Variants in APCDD1 observed in about 807,000 individuals in gnomAD.
The protein encoded by APCDD1 is APC down-regulated 1.
APCDD1 carries 15 observed loss-of-function variants against 38.1 expected under a neutral mutation model. The ratio of observed to expected loss-of-function variants is 0.39; its 90% confidence interval spans 0.26 to 0.61. APCDD1 has a LOEUF of 0.61. Ranked by LOEUF, APCDD1 falls within the 20% of genes least tolerant of loss-of-function variation. The pLI, the probability that APCDD1 is intolerant of heterozygous loss-of-function variation, is 0.49. For synonymous variants in APCDD1, 261 were observed against 279.7 expected (o/e 0.93, Z 0.67); for missense variants, 647 against 696.2 (o/e 0.93, Z 0.79).
intron 1 of APCDD1, among the ~76,000 whole-genome samples, chr18:10,465,774 T>A (rs1315960729): frequency 1.3e-5 from 2 of 152,222 alleles, no homozygotes; most frequent in Non-Finnish European, 1.5e-5. Flanking sequence ...ATCTCGTGAC[T>A]GTTGTTAAGG....
rs774816536 is a variant in APCDD1 at position 10,485,834 on chromosome 18, G to T, written c.1096+51G>T. 4 of 1,590,120 alleles carry T rather than the reference G, an allele frequency of 2.5e-6. No homozygotes were observed. Among genetic ancestry groups the T allele is most frequent in the Non-Finnish European group, 2.6e-6 (3 of 1,169,100 alleles). ...TATCACAGCCAATAAACAGCCCTGT[G>T]ACATTTTTGTGGAGGCAGAGCTGAG... On this transcript the variant is annotated intron_variant, in intron 4 of 4. Transcript: ENST00000355285. This position sits in a 1 kb window ranked among gnomAD's most constrained non-coding sequence, Gnocchi z 5.8.
At position 10,463,184 on chromosome 18, in the gene APCDD1, A is replaced by G. The variant is rs189191298; in HGVS notation, c.59-5285A>G. Among the ~76,000 whole-genome samples, 39 of 151,664 alleles carry G rather than the reference A, an allele frequency of 2.6e-4. No homozygotes were observed. In the East Asian group the frequency reaches 5.9e-3, roughly 23 times the overall value. On this transcript the variant is annotated intron_variant, in intron 1 of 4. Transcript: ENST00000355285. Reference sequence around the variant, plus strand: ...TGCTCAAGCACACTCCACCTAGACCACTTCTGTTCCATATTCAAGACAGAG... The same window carrying G: ...TGCTCAAGCACACTCCACCTAGACCGCTTCTGTTCCATATTCAAGACAGAG...
rs527426121 is a variant in APCDD1 at position 10,474,804 on chromosome 18, T to TTGTGCAGAG, written c.774+2743_774+2744insTGTGCAGAG. On this transcript the variant is annotated intron_variant, in intron 3 of 4. Coordinates refer to ENST00000355285, the MANE Select transcript of APCDD1 (RefSeq NM_153000.5). Reference sequence around the variant, plus strand: ...TCCCGTCAATGTCCCTCTGCAGACCTGTCTGTGGCTCCTGGAGGGAAAATG... The same window carrying TTGTGCAGAG: ...TCCCGTCAATGTCCCTCTGCAGACCTTGTGCAGAGGTCTGTGGCTCCTGGAGGGAAAATG... 2.0e-4 allele frequency among the ~76,000 whole-genome samples: 30 copies of TTGTGCAGAG among 152,338 alleles called. No homozygotes were observed. In the South Asian group the frequency reaches 6.2e-3, roughly 32 times the overall value.
At chr18:10,487,495 T>C (rs2031272820) in intron 4 of APCDD1, 95 bp from the exon 5 acceptor site, 2 of 1,275,484 alleles carry the variant, frequency 1.6e-6, no homozygotes, top group East Asian at 4.7e-5. Context: ...AAAGAAAGCC[T>C]TGTCTAGTTA....
intron 3 of APCDD1, among the ~76,000 whole-genome samples, chr18:10,473,141 A>AGACTACTC (rs945739288): frequency 3.3e-5 from 5 of 152,190 alleles, no homozygotes; most frequent in African/African-American, 4.8e-5. Context: ...TAGTCCTCCA[A>AGACTACTC]GACTACTCAT....
In APCDD1 at chr18:10,489,541, T is replaced by C. The variant is rs1324543607; in HGVS notation, c.*1503T>C. 2.0e-5 allele frequency: 3 copies of C among 151,938 alleles called. No homozygotes were observed. Among genetic ancestry groups the C allele is most frequent in the Admixed American group, 6.6e-5 (1 of 15,254 alleles). 9.4% of individuals were successfully genotyped at this position (151,938 alleles called of 1,614,324 possible). A position where few individuals can be genotyped will look rare whatever the true frequency, so the allele number is the denominator to read the frequency against. ...TGTGAAATGCTGTCTCTACTAAAAA[T>C]ACAAAAAATTAGCCAGGCGTGGTGG... On this transcript the variant is annotated 3_prime_UTR_variant, in exon 5 of 5. Coordinates refer to ENST00000355285, the MANE Select transcript of APCDD1 (RefSeq NM_153000.5).
At position 10,467,134 on chromosome 18, in the gene APCDD1, A is replaced by G. The variant is rs2030735280; in HGVS notation, c.59-1335A>G. ...TGTCCACATGATGGTAAATATCTGA[A>G]TATTTAACAGATATCTGAAGTTACC... On this transcript the variant is annotated intron_variant, in intron 1 of 4. Coordinates refer to ENST00000355285, the MANE Select transcript of APCDD1 (RefSeq NM_153000.5). This position sits in a 1 kb window ranked among gnomAD's most constrained non-coding sequence, Gnocchi z 4.8. 6.6e-6 allele frequency among the ~76,000 whole-genome samples: 1 copy of G among 152,198 alleles called. No individual in the cohort carries two copies. Among genetic ancestry groups the G allele is most frequent in the Admixed American group, 6.5e-5 (1 of 15,284 alleles).
At chr18:10,461,074 G>A (rs2030528851) in intron 1 of APCDD1, among the ~76,000 whole-genome samples, 1 of 144,440 alleles carries the variant, frequency 6.9e-6, no homozygotes. Flanking sequence ...GGTAGCCTAT[G>A]GTGATTATGA....
At position 10,468,646 on chromosome 18, in the gene APCDD1, C is replaced by T; in HGVS notation, c.236C>T (p.Ser79Phe). 1 of 1,613,472 alleles carries T rather than the reference C, an allele frequency of 6.2e-7. No individual in the cohort carries two copies. Among genetic ancestry groups the T allele is most frequent in the South Asian group, 1.1e-5 (1 of 91,042 alleles). ...MPPTIEGHWV[S>F]TGCEVRSGPE... Reference sequence around the variant, plus strand: ...CCTACAATCGAGGGCCACTGGGTCTCCACAGGGTAAGAGGACAGGTGGGGT... The same window carrying T: ...CCTACAATCGAGGGCCACTGGGTCTTCACAGGGTAAGAGGACAGGTGGGGT... Residue 79 changes from serine to phenylalanine, a missense_variant, in exon 2 of 5, where the codon TCC becomes TTC. By Grantham distance (155) the Ser-to-Phe change is radical (BLOSUM62 -2). Coordinates refer to ENST00000355285, the MANE Select transcript of APCDD1 (RefSeq NM_153000.5).
chr18:10,460,406 G>T lies in APCDD1; in HGVS notation c.58+5367G>T, dbSNP rs143999214. Among the ~76,000 whole-genome samples the T allele has an allele frequency of 8.4e-3, 1,273 of 152,214 alleles. 5 individuals carry two copies. The highest frequency in any genetic ancestry group is 0.012 in the Admixed American group (191 of 15,282). ...ATATCACCTGGGTGTGGTGGCGCAT[G>T]CCTGTAATTCCAGCTTCTCGGGAGG... On this transcript the variant is annotated intron_variant, in intron 1 of 4. Transcript: ENST00000355285.
chr18:10,459,702 A>G (rs1406095047), intron 1 of APCDD1, among the ~76,000 whole-genome samples: 1 of 152,250 alleles, frequency 6.6e-6, no homozygotes, highest in Non-Finnish European at 1.5e-5. Flanking sequence ...ATTTCAAAAA[A>G]ATGGAAACCT....
chr18:10,464,485 C>T (rs546591833), intron 1 of APCDD1, among the ~76,000 whole-genome samples: 118 of 152,274 alleles, frequency 7.7e-4, no homozygotes, highest in Non-Finnish European at 8.5e-4. Flanking sequence ...TGCAGTGGTG[C>T]GATCATAGCT....
chr18:10,477,981 C>G (rs1482881078), intron 3 of APCDD1: 1 of 152,050 alleles, frequency 6.6e-6, no homozygotes, highest in African/African-American at 2.4e-5. Flanking sequence ...CTAATGTTAA[C>G]TAAAACAAAA....
chr18:10,461,573 G>A (rs1297736249), intron 1 of APCDD1, among the ~76,000 whole-genome samples: 1 of 152,152 alleles, frequency 6.6e-6, no homozygotes, highest in East Asian at 1.9e-4. Context: ...TTGATCAAAT[G>A]AGATGATATA....
Position 10,467,945 on chromosome 18 carries a change from G to A in APCDD1, c.59-524G>A. ...TCCTGGGCCTTCTCCTTCCATCACT[G>A]CCCAGGCTGCAGTTTCATTGAGGCT... is the stretch of plus-strand genomic sequence containing the variant. On this transcript the variant is annotated intron_variant, in intron 1 of 4. Transcript: ENST00000355285. This position sits in a 1 kb window ranked among gnomAD's most constrained non-coding sequence, Gnocchi z 4.8. Among the ~76,000 whole-genome samples, 1 of 152,172 alleles carries A rather than the reference G, an allele frequency of 6.6e-6. No homozygotes were observed. Among genetic ancestry groups the A allele is most frequent in the Non-Finnish European group, 1.5e-5 (1 of 68,036 alleles).
chr18:10,487,457 T>G (rs1403286202), intron 4 of APCDD1, 133 bp from the exon 5 acceptor site: 3 of 841,748 alleles, frequency 3.6e-6, no homozygotes, highest in Non-Finnish European at 5.8e-6. Context: ...GTCAGATGGG[T>G]GGGTCTGTAG....
At chr18:10,456,815 C>G (rs1025927167) in intron 1 of APCDD1, among the ~76,000 whole-genome samples, 1 of 152,102 alleles carries the variant, frequency 6.6e-6, no homozygotes, top group Non-Finnish European at 1.5e-5. Context: ...TCCATAACTC[C>G]GGGGATCTGA....
intron 3 of APCDD1, among the ~76,000 whole-genome samples, chr18:10,480,202 A>G (rs2031102174): frequency 6.6e-6 from 1 of 152,162 alleles, no homozygotes; most frequent in South Asian, 2.1e-4. Flanking sequence ...TGGAACATGG[A>G]TCCCCAAAAA....
At chr18:10,473,895 CTCTGA>C (rs529588881) in intron 3 of APCDD1, among the ~76,000 whole-genome samples, 24 of 149,422 alleles carry the variant, frequency 1.6e-4, no homozygotes, top group African/African-American at 5.7e-4. Flanking sequence ...CTTTGGCTCG[CTCTGA>C]GTATAGTCTA....
Sources: allele counts gnomAD v4.1 joint callset (sites outside exome capture counted in the v4.1 genomes callset), GRCh38; gene constraint gnomAD v4.1.1; non-coding constraint Gnocchi (gnomAD v3.1); transcripts MANE v1.5; gene names NCBI Gene and HGNC (gene_info 2026-07-23, HGNC 2026-07-21).